TNR: variants seen among roughly 807,000 people sequenced by gnomAD.
TNR encodes tenascin-R.
Under a neutral mutation model 150.4 loss-of-function variants are expected in TNR, and 45 were observed. The ratio of observed to expected loss-of-function variants is 0.30; its 90% CI spans 0.24 to 0.38. The LOEUF is 0.38. Ranked by LOEUF, TNR falls within the 10% of genes least tolerant of loss-of-function variation. The pLI is 1.00. For synonymous variants in TNR, 687 were observed against 678.4 expected (o/e 1.01, Z -0.20); for missense variants, 1,544 against 1,759.1 (o/e 0.88, Z 2.19).
At chr1:175,559,271 T>G (rs1252995054) in intron 1 of TNR, among the ~76,000 whole-genome samples, 1 of 152,194 alleles carries the variant, frequency 6.6e-6, no homozygotes, top group African/African-American at 2.4e-5. Context: ...AGTACTGAAT[T>G]GTTCACTTTA....
At chr1:175,458,330 A>C (rs777315320) in intron 2 of TNR, among the ~76,000 whole-genome samples, 1 of 152,192 alleles carries the variant, frequency 6.6e-6, no homozygotes, top group Admixed American at 6.5e-5. Context: ...CAATCCATTC[A>C]TTCATTTGTT....
rs1467541836 is a variant in TNR, at chr1:175,322,227, T to A, written c.*1130A>T. On this transcript the variant is annotated 3_prime_UTR_variant, in exon 23 of 23. Transcript: ENST00000367674. Reference sequence around the variant, plus strand: ...CCTTTGCAGAAAGTGACTGTCTGTCTGACCTGAGGGTGGGGGCAGTGGCTG... The same window carrying A: ...CCTTTGCAGAAAGTGACTGTCTGTCAGACCTGAGGGTGGGGGCAGTGGCTG... 1 of 152,314 alleles carries A rather than the reference T, an allele frequency of 6.6e-6. No individual in the cohort carries two copies. The highest frequency in any genetic ancestry group is 6.5e-5 in the Admixed American group (1 of 15,288). The allele number at this position is 152,314 out of a possible 1,614,324, so 9.4% of individuals were successfully genotyped here.
At chr1:175,524,721 G>C (rs1051444377) in intron 2 of TNR, among the ~76,000 whole-genome samples, 2 of 152,196 alleles carry the variant, frequency 1.3e-5, no homozygotes, top group Admixed American at 1.3e-4. Flanking sequence ...AGGAGGAGGT[G>C]AGTTTGCATG....
intron 1 of TNR, among the ~76,000 whole-genome samples, chr1:175,710,721 A>C (rs1666987077): frequency 6.6e-6 from 1 of 152,118 alleles, no homozygotes; most frequent in African/African-American, 2.4e-5. Flanking sequence ...AATGACTGCA[A>C]CAGTCTGGTC....
At position 175,406,201 on chromosome 1, in the gene TNR, GCT is replaced by G. The variant is rs1205441543; in HGVS notation, c.499+13_499+14del. 1 of 1,609,318 alleles carries G rather than the reference GCT, an allele frequency of 6.2e-7. No individual in the cohort carries two copies. Among genetic ancestry groups the G allele is most frequent in the Non-Finnish European group, 8.5e-7 (1 of 1,177,282 alleles). ...TTCCCCTCCTGAGACCACGCTGCGA[GCT>G]CCCGGACTCTACCTGTGGCAGCACT... is the stretch of plus-strand genomic sequence containing the variant. On this transcript the variant is annotated intron_variant, in intron 3 of 22. Coordinates refer to ENST00000367674, the MANE Select transcript of TNR (RefSeq NM_003285.3).
rs138963462 is a variant in TNR at position 175,662,704 on chromosome 1, T to C, written c.-165+80522A>G. On this transcript the variant is annotated intron_variant, in intron 1 of 22. Coordinates refer to ENST00000367674, the MANE Select transcript of TNR (RefSeq NM_003285.3). ...TGTCCTCAGGACCCAAAGAACGTAG[T>C]TATTTCATTAACTCTGCAAGACATT... is the stretch of plus-strand genomic sequence containing the variant. Among the ~76,000 whole-genome samples, 6 of 152,312 alleles carry C rather than the reference T, an allele frequency of 3.9e-5. No homozygotes were observed. The East Asian group carries it at 1.2e-3, about 29-fold the overall frequency.
intron 1 of TNR, among the ~76,000 whole-genome samples, chr1:175,593,959 A>G (rs148611147): frequency 0.013 from 1,932 of 152,236 alleles, 51 homozygotes; most frequent in African/African-American, 0.044. Context: ...GTCATTATTC[A>G]CCCATAAAAA....
intron 1 of TNR, among the ~76,000 whole-genome samples, chr1:175,715,709 T>C (rs1667139739): frequency 6.6e-6 from 1 of 152,198 alleles, no homozygotes; most frequent in East Asian, 1.9e-4. Flanking sequence ...TACATTGTTT[T>C]CCCCAGGAGA....
At chr1:175,712,234 G>A (rs1321157980) in intron 1 of TNR, among the ~76,000 whole-genome samples, 1 of 152,094 alleles carries the variant, frequency 6.6e-6, no homozygotes, top group Non-Finnish European at 1.5e-5. Context: ...TTGAGAACTT[G>A]CGTATCTTGC....
At chr1:175,519,927 C>T (rs1274289273) in intron 2 of TNR, among the ~76,000 whole-genome samples, 1 of 152,158 alleles carries the variant, frequency 6.6e-6, no homozygotes, top group Admixed American at 6.5e-5. Context: ...TGTGAAGGAG[C>T]CCTGGACTCA....
intron 1 of TNR, among the ~76,000 whole-genome samples, chr1:175,742,332 CT>C (rs924655617): frequency 7.2e-5 from 11 of 152,308 alleles, no homozygotes; most frequent in African/African-American, 2.6e-4. Context: ...AATTTTGTTT[CT>C]GCTCACCCTA....
intron 2 of TNR, among the ~76,000 whole-genome samples, chr1:175,510,297 G>A (rs1410003087): frequency 6.6e-6 from 1 of 151,850 alleles, no homozygotes; most frequent in Non-Finnish European, 1.5e-5. Flanking sequence ...ACTTTATTTT[G>A]TCTGTAAATT....
intron 2 of TNR, among the ~76,000 whole-genome samples, chr1:175,418,684 G>A (rs528909519): frequency 3.0e-4 from 46 of 151,420 alleles, no homozygotes; most frequent in African/African-American, 8.7e-4. Context: ...AGATTGTGCC[G>A]CTGCACTCCA....
chr1:175,627,315 T>C lies in TNR; in HGVS notation c.-164-98946A>G, dbSNP rs1664184536. ...CAGTGCACAAGCTGGGATGAAAAACTCTGATCCTTAGATCAGAGTTTATAA... is the reference window on the plus strand; with the variant it reads ...CAGTGCACAAGCTGGGATGAAAAACCCTGATCCTTAGATCAGAGTTTATAA... On this transcript the variant is annotated intron_variant, in intron 1 of 22. Transcript: ENST00000367674. Among the ~76,000 whole-genome samples, 3 of 152,338 alleles carry C rather than the reference T, an allele frequency of 2.0e-5. No homozygotes were observed. The South Asian group carries it at 6.2e-4, about 32-fold the overall frequency.
intron 1 of TNR, among the ~76,000 whole-genome samples, chr1:175,650,146 T>A (rs1571712993): frequency 6.6e-6 from 1 of 152,002 alleles, no homozygotes; most frequent in South Asian, 2.1e-4. Flanking sequence ...CTGAGGCAGG[T>A]AGATCACTTG....
chr1:175,452,576 G>T (rs1656374977), intron 2 of TNR, among the ~76,000 whole-genome samples: 1 of 152,242 alleles, frequency 6.6e-6, no homozygotes, highest in Non-Finnish European at 1.5e-5. Context: ...TGAGAGCTGG[G>T]CAGAGGCTCA....
Position 175,641,736 on chromosome 1 carries a change from G to A in TNR, c.-165+101490C>T, listed in dbSNP as rs553541516. 2.0e-5 allele frequency among the ~76,000 whole-genome samples: 3 copies of A among 152,294 alleles called. No individual in the cohort carries two copies. In the East Asian group the frequency reaches 5.8e-4, roughly 29 times the overall value. ...TAAAGTCAAGTTACAAATGGGCTTG[G>A]TGTAGGATCTAGGATCGTGCTGAGG... On this transcript the variant is annotated intron_variant, in intron 1 of 22. Transcript: ENST00000367674.
chr1:175,441,713 G>A (rs1655795691), intron 2 of TNR, among the ~76,000 whole-genome samples: 1 of 152,028 alleles, frequency 6.6e-6, no homozygotes, highest in Non-Finnish European at 1.5e-5. Context: ...CATCTACCTA[G>A]TCCTAAAACT....
chr1:175,467,183 A>T (rs1464305164), intron 2 of TNR, among the ~76,000 whole-genome samples: 1 of 152,144 alleles, frequency 6.6e-6, no homozygotes. Flanking sequence ...AGAGTCCTGC[A>T]CTCAGAGCTG....
Sources: allele counts gnomAD v4.1 joint callset (sites outside exome capture counted in the v4.1 genomes callset), GRCh38; gene constraint gnomAD v4.1.1; transcripts MANE v1.5; gene names NCBI Gene and HGNC (gene_info 2026-07-23, HGNC 2026-07-21).